The following OSBPL1A variants were observed in gnomAD, a reference collection of about 807,000 sequenced individuals.
OSBPL1A encodes the protein oxysterol binding protein like 1A, also known as oxysterol-binding protein-related protein 1.
In OSBPL1A, 80 loss-of-function variants were observed where a neutral mutation model predicts 137.1. That is an observed-to-expected ratio of 0.58 (90% confidence interval 0.49 to 0.70). OSBPL1A has a LOEUF of 0.70. OSBPL1A is among the 30% of genes least tolerant of loss of function. The pLI is 0.00. For synonymous variants in OSBPL1A, 365 were observed against 389.7 expected (o/e 0.94, Z 0.75); for missense variants, 970 against 1,129.4 (o/e 0.86, Z 2.02).
intron 15 of OSBPL1A, among the ~76,000 whole-genome samples, chr18:24,263,380 A>G (rs2089486904): frequency 1.3e-5 from 2 of 152,214 alleles, no homozygotes; most frequent in East Asian, 1.9e-4. Flanking sequence ...CAACACACTT[A>G]AAAATGGTTA....
At chr18:24,375,652 T>C (rs1290908670) in intron 2 of OSBPL1A, among the ~76,000 whole-genome samples, 2 of 152,168 alleles carry the variant, frequency 1.3e-5, no homozygotes, top group East Asian at 3.9e-4. Context: ...ACCTCTCCCA[T>C]GACACCTGCA....
Position 24,377,520 on chromosome 18 carries a change from G to A in OSBPL1A, c.14C>T (p.Ala5Val), listed in dbSNP as rs776201847. The change falls in exon 2 of 28, where the codon GCG becomes GTG. Residue 5 changes from alanine to valine, a missense_variant. Physicochemically the swap from Ala to Val is moderately conservative, Grantham distance 64. Coordinates refer to ENST00000319481, the MANE Select transcript of OSBPL1A (RefSeq NM_080597.4). Reference sequence around the variant, plus strand: ...GGCGTGATGGAGAAGCTGTTGCTCCGCTTCTGTGTTCATTTCTAAATTAAG... The same window carrying A: ...GGCGTGATGGAGAAGCTGTTGCTCCACTTCTGTGTTCATTTCTAAATTAAG... Reference protein sequence around the residue: MNTEAEQQLLHHARN... With the variant: MNTEVEQQLLHHARN... 5.0e-6 allele frequency: 8 copies of A among 1,598,876 alleles called. No homozygotes were observed. The highest frequency in any genetic ancestry group is 6.8e-6 in the Non-Finnish European group (8 of 1,176,218).
At chr18:24,196,846 C>T (rs954082402) in intron 17 of OSBPL1A, among the ~76,000 whole-genome samples, 5 of 152,204 alleles carry the variant, frequency 3.3e-5, no homozygotes, top group Non-Finnish European at 7.3e-5. Context: ...AGAGCATCTT[C>T]GAAGCCTCTG....
At chr18:24,199,603 C>G (rs191482141) in intron 17 of OSBPL1A, among the ~76,000 whole-genome samples, 1 of 152,294 alleles carries the variant, frequency 6.6e-6, no homozygotes, top group East Asian at 1.9e-4. Flanking sequence ...GTATTTGTGG[C>G]AGAAGCTTTG....
In OSBPL1A at chr18:24,291,498, T is replaced by C. The variant is rs540130433; in HGVS notation, c.1175-10550A>G. Among the ~76,000 whole-genome samples, 5 of 151,634 alleles carry C rather than the reference T, an allele frequency of 3.3e-5. No individual in the cohort carries two copies. The South Asian group carries it at 1.0e-3, about 32-fold the overall frequency. Reference sequence around the variant, plus strand: ...GAAAGAAATGGAATAAGAAATGAGGTAGGAGGATAGAACGAGAAGGCTCAA... The same window carrying C: ...GAAAGAAATGGAATAAGAAATGAGGCAGGAGGATAGAACGAGAAGGCTCAA... On this transcript the variant is annotated intron_variant, in intron 14 of 27. Transcript: ENST00000319481.
chr18:24,381,778 C>CA (rs1392537352), intron 1 of OSBPL1A, among the ~76,000 whole-genome samples: 2 of 149,618 alleles, frequency 1.3e-5, no homozygotes, highest in Non-Finnish European at 3.0e-5. Context: ...GCCAACATGG[C>CA]AAAAAAACTC....
At position 24,275,504 on chromosome 18, in the gene OSBPL1A, A is replaced by G. The variant is rs1353898532; in HGVS notation, c.1281+5338T>C. On this transcript the variant is annotated intron_variant, in intron 15 of 27. Transcript: ENST00000319481. ...TGTGAAGAACATTAGGGAACAAAAG[A>G]TATCAGGGTCACAAAATGACTACAG... is the stretch of plus-strand genomic sequence containing the variant. 2.0e-5 allele frequency among the ~76,000 whole-genome samples: 3 copies of G among 152,172 alleles called. No individual in the cohort carries two copies. The East Asian group carries it at 5.8e-4, about 29-fold the overall frequency.
chr18:24,238,795 T>C (rs1247533087), intron 16 of OSBPL1A, among the ~76,000 whole-genome samples: 2 of 152,218 alleles, frequency 1.3e-5, no homozygotes, highest in African/African-American at 2.4e-5. Context: ...GCACTTAGCA[T>C]ACTGTGCTAT....
intron 16 of OSBPL1A, among the ~76,000 whole-genome samples, chr18:24,234,698 T>A (rs117025631): frequency 0.01 from 1,565 of 152,346 alleles, 15 homozygotes; most frequent in Non-Finnish European, 0.016. Flanking sequence ...TCTAATGAAG[T>A]TATCCCTTTA....
At chr18:24,345,263 G>C (rs575098009) in intron 4 of OSBPL1A, among the ~76,000 whole-genome samples, 1 of 152,336 alleles carries the variant, frequency 6.6e-6, no homozygotes, top group South Asian at 2.1e-4. Flanking sequence ...CCTCGTTAAA[G>C]TGTAGCTATG....
At chr18:24,186,620 A>G (rs2086753672) in intron 18 of OSBPL1A, among the ~76,000 whole-genome samples, 1 of 152,064 alleles carries the variant, frequency 6.6e-6, no homozygotes, top group Non-Finnish European at 1.5e-5. Flanking sequence ...ATGAGATGTT[A>G]CTTTAAAACC....
At chr18:24,200,561 CA>C (rs893025554) in intron 17 of OSBPL1A, among the ~76,000 whole-genome samples, 2,541 of 70,430 alleles carry the variant, frequency 0.036, 130 homozygotes, top group East Asian at 0.3. Flanking sequence ...GACTCCGTGT[CA>C]AAAAAAAAAA....
At chr18:24,379,299 CA>C (rs1386802252) in intron 1 of OSBPL1A, among the ~76,000 whole-genome samples, 3 of 152,036 alleles carry the variant, frequency 2.0e-5, no homozygotes, top group African/African-American at 7.2e-5. Flanking sequence ...GCGGGTGGAC[CA>C]CTTGAGCCCA....
intron 15 of OSBPL1A, among the ~76,000 whole-genome samples, chr18:24,260,460 T>C (rs997044092): frequency 2.0e-5 from 3 of 152,236 alleles, no homozygotes; most frequent in Non-Finnish European, 4.4e-5. Context: ...CATACCATAC[T>C]TCTTAGCCAT....
At chr18:24,314,796 TG>T (rs1831227245) in intron 11 of OSBPL1A, among the ~76,000 whole-genome samples, 1 of 152,068 alleles carries the variant, frequency 6.6e-6, no homozygotes, top group African/African-American at 2.4e-5. Context: ...GAAATAATTA[TG>T]GGTTTTAAAA....
intron 14 of OSBPL1A, among the ~76,000 whole-genome samples, chr18:24,287,198 G>C (rs552792950): frequency 5.1e-4 from 77 of 152,236 alleles, no homozygotes; most frequent in African/African-American, 1.8e-3. Flanking sequence ...TTCATCAAAG[G>C]GTATAACTGG....
intron 4 of OSBPL1A, 147 bp from the exon 5 acceptor site, chr18:24,341,805 G>C: frequency 2.0e-6 from 1 of 496,006 alleles, no homozygotes; most frequent in Non-Finnish European, 3.5e-6. Context: ...TAATAAATGA[G>C]TGATTCAACT....
chr18:24,198,315 C>T (rs1214104398), intron 17 of OSBPL1A, among the ~76,000 whole-genome samples: 1 of 152,144 alleles, frequency 6.6e-6, no homozygotes, highest in Non-Finnish European at 1.5e-5. Flanking sequence ...GACATTCGAG[C>T]TTTGTAATTA....
At position 24,179,825 on chromosome 18, in the gene OSBPL1A, G is replaced by A. The variant is rs750232865; in HGVS notation, c.1823C>T (p.Ala608Val). 3.1e-6 allele frequency: 5 copies of A among 1,613,962 alleles called. No individual in the cohort carries two copies. The highest frequency in any genetic ancestry group is 1.1e-5 in the South Asian group (1 of 91,064). The change falls in exon 20 of 28, where the codon GCG becomes GTG. Residue 608 changes from alanine to valine, a missense_variant. Physicochemically the swap from Ala to Val is moderately conservative, Grantham distance 64. This residue lies in a region of OSBPL1A where 323 missense variants were observed against 456.8 expected (regional missense o/e 0.71). Transcript: ENST00000319481. ...DPVERMQCVAAFAVSAVASQW... is the reference protein window; with the variant it reads ...DPVERMQCVAVFAVSAVASQW... ...AGAAGCAACAGCAGATACAGCAAACGCAGCTACACACTGTGGGACAGAGCA... is the reference window on the plus strand; with the variant it reads ...AGAAGCAACAGCAGATACAGCAAACACAGCTACACACTGTGGGACAGAGCA...
Sources: gnomAD v4.1 joint callset for allele counts (sites outside exome capture counted in the v4.1 genomes callset) on GRCh38, gnomAD v4.1.1 for gene constraint, gnomAD v4.1.1 regional missense constraint, MANE v1.5 for transcripts, NCBI Gene and HGNC (gene_info 2026-07-23, HGNC 2026-07-21) for gene names.